PALD1: variants seen among roughly 807,000 people sequenced by gnomAD.
PALD1 encodes the protein phosphatase domain containing paladin 1.
Under a neutral mutation model 96.0 loss-of-function variants are expected in PALD1, and 57 were observed. The observed-to-expected ratio is 0.59, with a 90% CI of 0.48 to 0.74. PALD1 has a LOEUF of 0.74. Among genes scored for constraint, PALD1 ranks in the 30% least tolerant of loss-of-function variants. PALD1 has a pLI of 0.00. For missense variants in PALD1, 1,063 were observed against 1,143.7 expected, an observed-to-expected ratio of 0.93 and a Z score of 1.02; for synonymous variants, 464 against 473.6, an observed-to-expected ratio of 0.98 and a Z score of 0.26.
At chr10:70,501,885 TC>T (rs1418726726) in intron 1 of PALD1, among the ~76,000 whole-genome samples, 1 of 148,806 alleles carries the variant, frequency 6.7e-6, no homozygotes, top group Non-Finnish European at 1.5e-5. Flanking sequence ...ACAAGAGGCC[TC>T]CCCCTTTTTA....
intron 17 of PALD1, among the ~76,000 whole-genome samples, chr10:70,543,714 A>G (rs1488320908): frequency 6.6e-6 from 1 of 152,084 alleles, no homozygotes; most frequent in Admixed American, 6.5e-5. Flanking sequence ...TTTATTTTCC[A>G]GCTGAGTTTA....
chr10:70,514,053 C>T (rs1846572223), intron 1 of PALD1, among the ~76,000 whole-genome samples: 1 of 152,248 alleles, frequency 6.6e-6, no homozygotes, highest in African/African-American at 2.4e-5. Flanking sequence ...CTCAGTGGGC[C>T]GACCTGATTT....
chr10:70,493,020 C>T (rs1171333821), intron 1 of PALD1, among the ~76,000 whole-genome samples: 2 of 152,160 alleles, frequency 1.3e-5, no homozygotes, highest in Middle Eastern at 3.2e-3. Flanking sequence ...ACTCCATAGT[C>T]CCATTTTTGT....
At chr10:70,521,323 C>T (rs937948537) in intron 1 of PALD1, among the ~76,000 whole-genome samples, 3 of 152,076 alleles carry the variant, frequency 2.0e-5, no homozygotes, top group South Asian at 2.1e-4. Flanking sequence ...CAACTGCTGC[C>T]CCTTCCCAAA....
chr10:70,459,035 CCCCA>C, the PALD1 span, among the ~76,000 whole-genome samples: 1 of 152,164 alleles, frequency 6.6e-6, no homozygotes, highest in African/African-American at 2.4e-5. Flanking sequence ...AGAGCGGCTC[CCCCA>C]CCTTTATCCC....
the PALD1 span, among the ~76,000 whole-genome samples, chr10:70,461,407 C>T: frequency 3.9e-5 from 6 of 152,360 alleles, no homozygotes; most frequent in East Asian, 9.6e-4. Context: ...CTGCCACCCC[C>T]ACCAGATGGC....
At chr10:70,461,642 A>C in the PALD1 span, among the ~76,000 whole-genome samples, 3 of 152,188 alleles carry the variant, frequency 2.0e-5, no homozygotes, top group East Asian at 5.8e-4. Flanking sequence ...ATTCCAGAAC[A>C]GCTCCTATGC....
chr10:70,547,399 C>A lies in PALD1; in HGVS notation c.2215C>A (p.Pro739Thr), dbSNP rs751158544. Residue 739 changes from proline (P) to threonine (T), a missense_variant, in exon 18 of 20, where the codon CCC becomes ACC. Coordinates refer to ENST00000263563, the MANE Select transcript of PALD1 (RefSeq NM_014431.3). ...ALDTVSETMT[P>T]MHYHLREIII... Reference sequence around the variant, plus strand: ...GGACACTGTCAGCGAGACCATGACGCCCATGCACTACCACCTGCGGGAGAT... The same window carrying A: ...GGACACTGTCAGCGAGACCATGACGACCATGCACTACCACCTGCGGGAGAT... 4 of 1,613,070 alleles carry A rather than the reference C, an allele frequency of 2.5e-6. No homozygotes were observed. The highest frequency in any genetic ancestry group is 3.4e-6 in the Non-Finnish European group (4 of 1,179,544).
At chr10:70,490,485 C>A (rs1247659062) in intron 1 of PALD1, among the ~76,000 whole-genome samples, 1 of 152,208 alleles carries the variant, frequency 6.6e-6, no homozygotes, top group Admixed American at 6.5e-5. Flanking sequence ...ACAAACCCCT[C>A]ACTTGCTGAT....
At position 70,521,572 on chromosome 10, in the gene PALD1, G is replaced by A. The variant is rs140733136; in HGVS notation, c.-29-4351G>A. ...TTTCGAGATGGAGTCTTGCTCTGTC[G>A]CCCAGGCTGAAGTGCAGTGGCATGA... On this transcript the variant is annotated intron_variant, in intron 1 of 19. Transcript: ENST00000263563. 5.6e-3 allele frequency among the ~76,000 whole-genome samples: 846 copies of A among 151,816 alleles called. 14 individuals are homozygous for A. The highest frequency in any genetic ancestry group is 7.5e-3 in the Non-Finnish European group (507 of 67,904).
Position 70,530,060 on chromosome 10 carries a change from G to A in PALD1, c.460G>A (p.Gly154Arg), listed in dbSNP as rs143550137. The part of the protein sequence containing the change: ...RRVLQKLQKD[G>R]HRECVIFCVR... ...GGTCCTCCAGAAACTCCAGAAGGAC[G>A]GACATAGGGTAAGTATGCCACTTCC... The change falls in exon 4 of 20, where the codon GGA becomes AGA. Residue 154 changes from glycine (G) to arginine (R), a missense_variant. Gly to Arg is a moderately radical substitution (Grantham distance 125). Transcript: ENST00000263563. 5 of 1,522,154 alleles carry A rather than the reference G, an allele frequency of 3.3e-6. No homozygotes were observed. The highest frequency in any genetic ancestry group is 2.5e-5 in the East Asian group (1 of 40,814). The allele number at this position is 1,522,154 out of a possible 1,614,324, so 94.3% of individuals were successfully genotyped here.
chr10:70,474,840 C>T (rs1437491745), upstream of PALD1, among the ~76,000 whole-genome samples: 1 of 152,136 alleles, frequency 6.6e-6, no homozygotes, highest in Admixed American at 6.5e-5. Context: ...TGGGGATGCT[C>T]AGGTCCCAGG....
the PALD1 span, among the ~76,000 whole-genome samples, chr10:70,464,212 C>CTTTTT: frequency 3.0e-5 from 4 of 132,872 alleles, 1 homozygote; most frequent in Non-Finnish European, 3.1e-5. Flanking sequence ...TTGTATCTGG[C>CTTTTT]TTTTTTTTTT....
chr10:70,556,205 G>A (rs1353865684), intron 18 of PALD1, among the ~76,000 whole-genome samples: 1 of 152,048 alleles, frequency 6.6e-6, no homozygotes, highest in Non-Finnish European at 1.5e-5. Flanking sequence ...CCAGAACGGA[G>A]TGTGTGTGTG....
chr10:70,529,062 T>A (rs1462297908), intron 2 of PALD1, among the ~76,000 whole-genome samples, 167 bp from the exon 3 acceptor site: 2 of 151,932 alleles, frequency 1.3e-5, no homozygotes, highest in Non-Finnish European at 2.9e-5. Context: ...GGGGCTGTCG[T>A]GTTGAGGAAG....
At chr10:70,519,899 G>GT (rs1373621206) in intron 1 of PALD1, among the ~76,000 whole-genome samples, 1 of 152,080 alleles carries the variant, frequency 6.6e-6, no homozygotes, top group Non-Finnish European at 1.5e-5. Flanking sequence ...TAACATATGA[G>GT]TTTTTAGGGG....
chr10:70,537,005 C>G (rs1847127774), intron 10 of PALD1, among the ~76,000 whole-genome samples: 1 of 152,202 alleles, frequency 6.6e-6, no homozygotes, highest in Non-Finnish European at 1.5e-5. Context: ...CCTCATTTCT[C>G]TGAATCTCCG....
At chr10:70,463,130 C>T in the PALD1 span, among the ~76,000 whole-genome samples, 1 of 152,190 alleles carries the variant, frequency 6.6e-6, no homozygotes, top group East Asian at 1.9e-4. Context: ...ATGCGCCGGT[C>T]ATGGTGGCTC....
the PALD1 span, among the ~76,000 whole-genome samples, chr10:70,459,756 A>G: frequency 6.6e-6 from 1 of 152,168 alleles, no homozygotes; most frequent in Non-Finnish European, 1.5e-5. Context: ...GTGAAAGTGG[A>G]AGGAACAGAG....
Sources: gnomAD v4.1 joint callset for allele counts (sites outside exome capture counted in the v4.1 genomes callset) on GRCh38, gnomAD v4.1.1 for gene constraint, MANE v1.5 for transcripts, NCBI Gene and HGNC (gene_info 2026-07-23, HGNC 2026-07-21) for gene names.